DRAM1: variants seen among roughly 807,000 people sequenced by gnomAD.
DRAM1 encodes the protein DNA damage-regulated autophagy modulator protein 1.
DRAM1 carries 25 observed loss-of-function variants against 28.5 expected under a neutral mutation model. That is an observed-to-expected ratio of 0.88 (90% confidence interval 0.64 to 1.23). The LOEUF (loss-of-function observed/expected upper bound fraction) is 1.23. Ranked by LOEUF, DRAM1 falls within the 50% of genes most tolerant of loss-of-function variation. DRAM1 has a pLI of 0.00. For synonymous variants in DRAM1, 113 were observed against 114.2 expected, an observed-to-expected ratio of 0.99 and a Z score of 0.07; for missense variants, 249 against 299.2, an observed-to-expected ratio of 0.83 and a Z score of 1.24.
Position 101,921,432 on chromosome 12 carries a change from C to A in DRAM1, c.*172C>A. ...TAGTTGTATTTCTAAAGATGTGTTT[C>A]CTAGAGAATGTACAGCCTTATGACA... On this transcript the variant is annotated 3_prime_UTR_variant, in exon 7 of 7. Transcript: ENST00000258534. The A allele has an allele frequency of 1.6e-6, 1 of 608,232 alleles. No individual in the cohort carries two copies. The highest frequency in any genetic ancestry group is 2.0e-5 in the South Asian group (1 of 50,124). The allele number at this position is 608,232 out of a possible 1,614,324, so 37.7% of individuals were successfully genotyped here. A position where few individuals can be genotyped will look rare whatever the true frequency, so the allele number is the denominator to read the frequency against.
intron 1 of DRAM1, among the ~76,000 whole-genome samples, chr12:101,879,580 C>T (rs936808272): frequency 2.6e-5 from 4 of 152,164 alleles, no homozygotes; most frequent in Non-Finnish European, 4.4e-5. Context: ...CACGCCTGGC[C>T]CTCCCATCTG....
chr12:101,904,179 A>G (rs1873707992), intron 3 of DRAM1, among the ~76,000 whole-genome samples: 1 of 151,480 alleles, frequency 6.6e-6, no homozygotes, highest in African/African-American at 2.4e-5. Context: ...TTTAGTAGAG[A>G]TGGCGTTTCG....
intron 5 of DRAM1, among the ~76,000 whole-genome samples, chr12:101,919,728 A>G (rs7976056): frequency 0.57 from 86,033 of 151,566 alleles, 26,441 homozygotes; most frequent in African/African-American, 0.81. Flanking sequence ...TGTTAAGCAT[A>G]GCCTTACACT....
chr12:101,877,889 G>A lies in DRAM1; in HGVS notation c.100G>A (p.Gly34Arg), dbSNP rs753435085. The A allele has an allele frequency of 1.4e-5, 21 of 1,543,198 alleles. No individual in the cohort carries two copies. Among genetic ancestry groups the A allele is most frequent in the African/African-American group, 2.7e-5 (2 of 73,164 alleles). The part of the protein sequence containing the change: ...IISYVVAVLS[G>R]HVNPFLPYIS... ...CTCCTACGTGGTCGCCGTGCTCTCCGGGCACGTCAACCCCTTCCTCCCGTA... is the reference window on the plus strand; with the variant it reads ...CTCCTACGTGGTCGCCGTGCTCTCCAGGCACGTCAACCCCTTCCTCCCGTA... The change falls in exon 1 of 7, where the codon GGG becomes AGG. Residue 34 changes from glycine (G) to arginine (R), a missense_variant. Coordinates refer to ENST00000258534, the MANE Select transcript of DRAM1 (RefSeq NM_018370.3). This position sits in a 1 kb window ranked among gnomAD's most constrained non-coding sequence, Gnocchi z 4.1.
chr12:101,921,213 TAG>T lies in DRAM1; in HGVS notation c.673_674del. 6.3e-7 allele frequency: 1 copy of T among 1,594,746 alleles called. No homozygotes were observed. The highest frequency in any genetic ancestry group is 8.6e-7 in the Non-Finnish European group (1 of 1,162,484). ...AACCTTTCTCTTTCATTTTTAAAAATAGAGTGTCACCCTAAGGATATCCACAG... is the reference window on the plus strand; with the variant it reads ...AACCTTTCTCTTTCATTTTTAAAAATAGTGTCACCCTAAGGATATCCACAG... On this transcript the variant is annotated splice_acceptor_variant, in intron 6 of 6. Transcript: ENST00000258534. LOFTEE classifies it high-confidence loss of function.
At chr12:101,918,298 T>C (rs1874334077) in intron 5 of DRAM1, among the ~76,000 whole-genome samples, 1 of 152,260 alleles carries the variant, frequency 6.6e-6, no homozygotes, top group Admixed American at 6.5e-5. Context: ...TTCAGGACTC[T>C]TGGTTCCATG....
At chr12:101,919,584 C>T (rs553642378) in intron 5 of DRAM1, among the ~76,000 whole-genome samples, 1 of 152,068 alleles carries the variant, frequency 6.6e-6, no homozygotes, top group Non-Finnish European at 1.5e-5. Context: ...CTGTATTTAC[C>T]TTGGGATGTT....
chr12:101,921,099 TA>T, intron 6 of DRAM1, 116 bp from the exon 7 acceptor site: 3 of 788,620 alleles, frequency 3.8e-6, no homozygotes, highest in Non-Finnish European at 6.7e-6. Flanking sequence ...GACTCAAGCA[TA>T]GCACAAACCA....
chr12:101,920,587 C>G (rs1279281060), intron 6 of DRAM1, among the ~76,000 whole-genome samples: 2 of 152,048 alleles, frequency 1.3e-5, no homozygotes, highest in African/African-American at 4.8e-5. Flanking sequence ...TTACTAGTTC[C>G]AAATAATACA....
intron 1 of DRAM1, among the ~76,000 whole-genome samples, chr12:101,890,611 A>G (rs950656927): frequency 6.2e-5 from 7 of 113,694 alleles, no homozygotes; most frequent in African/African-American, 2.7e-4. Flanking sequence ...ATGTGTGAAC[A>G]AGAGGGAACT....
At chr12:101,896,294 C>A (rs1873370745) in intron 1 of DRAM1, among the ~76,000 whole-genome samples, 1 of 152,242 alleles carries the variant, frequency 6.6e-6, no homozygotes, top group African/African-American at 2.4e-5. Context: ...CAAACACTTA[C>A]AAGTGCATCA....
rs138590825 is a variant in DRAM1, at chr12:101,912,814, A to G, written c.521-1360A>G. On this transcript the variant is annotated intron_variant, in intron 4 of 6. Transcript: ENST00000258534. The stretch of plus-strand genomic sequence containing the variant: ...AGTGGTGCAAATTCAGCTCACTGCC[A>G]CCTCCCAGGTTCAAGCGATTCTCCT... Among the ~76,000 whole-genome samples the G allele has an allele frequency of 2.1e-5, 3 of 143,672 alleles. No homozygotes were observed. In the East Asian group the frequency reaches 6.1e-4, roughly 29 times the overall value. 94.3% of individuals were successfully genotyped at this position (143,672 alleles called of 152,430 possible).
chr12:101,922,895 C>T lies in DRAM1; in HGVS notation c.*1635C>T, dbSNP rs569887070. 1 of 152,052 alleles carries T rather than the reference C, an allele frequency of 6.6e-6. No individual in the cohort carries two copies. The highest frequency in any genetic ancestry group is 1.5e-5 in the Non-Finnish European group (1 of 68,014). 9.4% of individuals were successfully genotyped at this position (152,052 alleles called of 1,614,324 possible). A position where few individuals can be genotyped will look rare whatever the true frequency, so the allele number is the denominator to read the frequency against. ...GGAGGATTGCTTGAGCCTGGGACTT[C>T]GAGACCAGACTGGGAAACATGGCAA... On this transcript the variant is annotated 3_prime_UTR_variant, in exon 7 of 7. Transcript: ENST00000258534.
At chr12:101,880,641 G>C (rs1396106215) in intron 1 of DRAM1, among the ~76,000 whole-genome samples, 1 of 152,144 alleles carries the variant, frequency 6.6e-6, no homozygotes, top group Non-Finnish European at 1.5e-5. Context: ...AGATCTGAAG[G>C]TTGAGGACAG....
intron 6 of DRAM1, 92 bp downstream of exon 6, chr12:101,920,293 C>CTTTTT: frequency 3.8e-6 from 1 of 262,190 alleles, no homozygotes; most frequent in South Asian, 7.3e-5. Context: ...AAAAAGAGCA[C>CTTTTT]TTTCTTTTTT....
intron 5 of DRAM1, among the ~76,000 whole-genome samples, chr12:101,917,504 T>A (rs924261962): frequency 6.6e-6 from 1 of 151,162 alleles, no homozygotes; most frequent in Non-Finnish European, 1.5e-5. Flanking sequence ...CTGGCCAATA[T>A]GGCGAAACCC....
At chr12:101,915,546 C>CCT (rs796984340) in intron 5 of DRAM1, among the ~76,000 whole-genome samples, 12 of 144,928 alleles carry the variant, frequency 8.3e-5, no homozygotes, top group African/African-American at 3.1e-4. Context: ...ACTTTGAAGA[C>CCT]TTTTTTTTTT....
chr12:101,915,890 AAG>A (rs1376405949), intron 5 of DRAM1, among the ~76,000 whole-genome samples: 1 of 152,122 alleles, frequency 6.6e-6, no homozygotes, highest in Non-Finnish European at 1.5e-5. Flanking sequence ...AGCAAATAGA[AAG>A]AGTATTATTA....
Position 101,902,262 on chromosome 12 carries a change from T to C in DRAM1, c.342+829T>C, listed in dbSNP as rs548894340. ...CCATACAATTATAATAAAAGCCTTG[T>C]AAGATAGGCACTATTATTTTCCCCA... is the stretch of plus-strand genomic sequence containing the variant. On this transcript the variant is annotated intron_variant, in intron 3 of 6. Coordinates refer to ENST00000258534, the MANE Select transcript of DRAM1 (RefSeq NM_018370.3). Among the ~76,000 whole-genome samples the C allele has an allele frequency of 2.0e-5, 3 of 152,312 alleles. No homozygotes were observed. The South Asian group carries it at 6.2e-4, about 32-fold the overall frequency.
Sources: gnomAD v4.1 joint callset for allele counts (sites outside exome capture counted in the v4.1 genomes callset) on GRCh38, gnomAD v4.1.1 for gene constraint, Gnocchi (gnomAD v3.1) non-coding constraint, MANE v1.5 for transcripts, NCBI Gene and HGNC (gene_info 2026-07-23, HGNC 2026-07-21) for gene names.